The following ABCC9 variants were observed in gnomAD, a reference collection of about 807,000 sequenced individuals.
ABCC9 encodes the protein ATP binding cassette subfamily C member 9.
A neutral mutation model predicts 188.3 loss-of-function variants in ABCC9; 95 were observed. That is an observed-to-expected ratio of 0.50 (90% CI 0.43 to 0.60). The LOEUF (loss-of-function observed/expected upper bound fraction) is 0.60. Among genes scored for constraint, ABCC9 ranks in the 20% least tolerant of loss-of-function variants. The pLI is 0.00. For synonymous variants in ABCC9, 659 were observed against 652.7 expected (o/e 1.01, Z -0.15); for missense variants, 1,102 against 1,876.3 (o/e 0.59, Z 7.62).
chr12:21,924,912 C>T (rs1018304977), intron 5 of ABCC9: 2 of 152,092 alleles, frequency 1.3e-5, no homozygotes, highest in African/African-American at 2.4e-5. Context: ...TTGCCTTTAA[C>T]AATCATATAA....
chr12:21,846,170 A>C (rs1025654278), intron 25 of ABCC9, among the ~76,000 whole-genome samples: 5 of 152,174 alleles, frequency 3.3e-5, no homozygotes, highest in African/African-American at 1.2e-4. Context: ...AACATCTACA[A>C]TATTGTGACC....
intron 31 of ABCC9, among the ~76,000 whole-genome samples, chr12:21,825,178 C>T (rs539647697): frequency 1.9e-4 from 29 of 152,300 alleles, no homozygotes; most frequent in African/African-American, 7.0e-4. Context: ...AATAGGAACG[C>T]TTTTACACTG....
chr12:21,867,289 A>G (rs1230828680), intron 18 of ABCC9, among the ~76,000 whole-genome samples: 2 of 152,316 alleles, frequency 1.3e-5, no homozygotes, highest in Non-Finnish European at 2.9e-5. Flanking sequence ...CTTCCAAAAT[A>G]AAGAAGTAGA....
intron 11 of ABCC9, among the ~76,000 whole-genome samples, chr12:21,907,262 C>T (rs1489129747): frequency 6.6e-6 from 1 of 151,978 alleles, no homozygotes; most frequent in East Asian, 1.9e-4. Flanking sequence ...GGATAGCTGG[C>T]TCAGACAGAA....
chr12:21,879,034 T>C (rs984490576), intron 16 of ABCC9, among the ~76,000 whole-genome samples: 9 of 152,148 alleles, frequency 5.9e-5, no homozygotes, highest in African/African-American at 9.7e-5. Flanking sequence ...GGGTTTATGA[T>C]AGAGGAAAGA....
intron 18 of ABCC9, 122 bp downstream of exon 18, chr12:21,872,498 TAAAGC>T: frequency 9.5e-6 from 7 of 734,990 alleles, no homozygotes; most frequent in Admixed American, 2.5e-5. Flanking sequence ...ATTTTTTTTT[TAAAGC>T]TGTGCTTATT....
intron 39 of ABCC9, 69 bp downstream of exon 39, chr12:21,805,929 A>G: frequency 6.8e-7 from 1 of 1,464,592 alleles, no homozygotes; most frequent in Non-Finnish European, 9.6e-7. Context: ...ATTTTGCTAA[A>G]ACCTAAAGAT....
At chr12:21,822,684 G>A (rs995117816) in intron 31 of ABCC9, among the ~76,000 whole-genome samples, 4 of 151,462 alleles carry the variant, frequency 2.6e-5, no homozygotes, top group African/African-American at 9.7e-5. Context: ...CCAGCTATTC[G>A]GGAGGCTGAG....
chr12:21,829,387 G>C (rs1943603079), intron 30 of ABCC9, among the ~76,000 whole-genome samples: 2 of 151,824 alleles, frequency 1.3e-5, no homozygotes, highest in Middle Eastern at 3.4e-3. Context: ...ATTTTTAGTA[G>C]AGACGAGGTT....
chr12:21,915,595 C>A, intron 7 of ABCC9, 73 bp downstream of exon 7: 1 of 1,561,642 alleles, frequency 6.4e-7, no homozygotes. Flanking sequence ...TCACTGCAAG[C>A]TCTGCCTCCC....
intron 5 of ABCC9, chr12:21,925,661 A>G: frequency 1.6e-6 from 1 of 634,520 alleles, no homozygotes; most frequent in Non-Finnish European, 2.8e-6. Context: ...GGCCAGCCAT[A>G]TTTCCTCCAC....
In ABCC9 at chr12:21,845,769, AT is replaced by A. The variant is rs1565731854; in HGVS notation, c.2929del (p.Met977CysfsTer10). 6.2e-7 allele frequency: 1 copy of A among 1,613,928 alleles called. No individual in the cohort carries two copies. The highest frequency in any genetic ancestry group is 8.5e-7 in the Non-Finnish European group (1 of 1,179,860). The stretch of plus-strand genomic sequence containing the variant: ...GTAGCGCCAGCAGGTTTTCCATGGC[AT>A]TTTAGTCCTGAGCCTCATTACAGTG... ...MSTVMRLRTK[M>X]PWKTCWRYLT... On this transcript the variant is annotated frameshift_variant, in exon 26 of 40. Transcript: ENST00000261200. LOFTEE classifies it high-confidence loss of function.
At chr12:21,810,406 T>C (rs1942153672) in intron 36 of ABCC9, among the ~76,000 whole-genome samples, 1 of 152,132 alleles carries the variant, frequency 6.6e-6, no homozygotes, top group South Asian at 2.1e-4. Flanking sequence ...TATAAGGACA[T>C]ACCCGAGACT....
rs932177279 is a variant in ABCC9, at chr12:21,915,798, C to A, written c.686G>T (p.Trp229Leu). 1 of 1,613,380 alleles carries A rather than the reference C, an allele frequency of 6.2e-7. No homozygotes were observed. The change falls in exon 7 of 40, where the codon TGG (tryptophan) becomes TTG (leucine). Residue 229 changes from tryptophan (W) to leucine (L), a missense_variant. Coordinates refer to ENST00000261200, the MANE Select transcript of ABCC9 (RefSeq NM_020297.4). ...AGATATAATAAGTGTGTTCATCCAC[C>A]AGTATGTTGCTTTTGACAGCAAATT... is the stretch of plus-strand genomic sequence containing the variant. ...FVNLLSKATY[W>L]WMNTLIISAH...
chr12:21,939,166 C>G lies in ABCC9; in HGVS notation c.-21+1544G>C, dbSNP rs1949601848. On this transcript the variant is annotated intron_variant, in intron 2 of 39. Transcript: ENST00000261200. ...AAACTTCAAGTTGGTACAGTAAACG[C>G]TTTAGAACGATTTTTCTGTCTGCCA... Among the ~76,000 whole-genome samples the G allele has an allele frequency of 1.3e-5, 2 of 152,132 alleles. 1 individual carries two copies. The highest frequency in any genetic ancestry group is 4.1e-4 in the South Asian group (2 of 4,834).
intron 16 of ABCC9, among the ~76,000 whole-genome samples, chr12:21,879,474 A>C (rs1946524068): frequency 1.3e-5 from 2 of 152,156 alleles, no homozygotes; most frequent in Non-Finnish European, 2.9e-5. Flanking sequence ...CAATTGCTTA[A>C]TGGATTTGAG....
At position 21,912,889 on chromosome 12, in the gene ABCC9, TC is replaced by T; in HGVS notation, c.993del (p.Thr332GlnfsTer23). On this transcript the variant is annotated frameshift_variant, in exon 8 of 40. Coordinates refer to ENST00000261200, the MANE Select transcript of ABCC9 (RefSeq NM_020297.4). LOFTEE classifies it high-confidence loss of function. ...GAACTTACTCCAGTTGTGTTATTTG[TC>T]CCATTCTGGGTTTCATTCACACGCT... ...IVQRVNETQNGTNNTTGISET... is the reference protein window; with the variant it reads ...IVQRVNETQNXTNNTTGISET... 1 of 1,613,560 alleles carries T rather than the reference TC, an allele frequency of 6.2e-7. No individual in the cohort carries two copies. The highest frequency in any genetic ancestry group is 8.5e-7 in the Non-Finnish European group (1 of 1,179,630).
intron 2 of ABCC9, among the ~76,000 whole-genome samples, chr12:21,940,486 G>A (rs1177852124): frequency 2.6e-5 from 4 of 152,124 alleles, no homozygotes; most frequent in Non-Finnish European, 4.4e-5. Context: ...TAGCTACCAT[G>A]GCTATAACTA....
Position 21,829,184 on chromosome 12 carries a change from T to C in ABCC9, c.3567-124A>G, listed in dbSNP as rs1280175616. ...CTGATGGCATGGAATGATCAGTAAA[T>C]AGATTTCTTTTTTTTTTTTTTTTTT... On this transcript the variant is annotated intron_variant, in intron 30 of 39. Transcript: ENST00000261200. 43 of 452,110 alleles carry C rather than the reference T, an allele frequency of 9.5e-5. No homozygotes were observed. In the Admixed American group the frequency reaches 1.5e-3, roughly 16 times the overall value. 28.0% of individuals were successfully genotyped at this position (452,110 alleles called of 1,614,324 possible). A position where few individuals can be genotyped will look rare whatever the true frequency, so the allele number is the denominator to read the frequency against.
Sources: allele counts gnomAD v4.1 joint callset (sites outside exome capture counted in the v4.1 genomes callset), GRCh38; gene constraint gnomAD v4.1.1; transcripts MANE v1.5; gene names NCBI Gene and HGNC (gene_info 2026-07-23, HGNC 2026-07-21).